The following PYGB variants were observed in gnomAD, a reference collection of about 807,000 sequenced individuals.
PYGB encodes the protein glycogen phosphorylase B.
In PYGB, 82 loss-of-function variants were observed where a neutral mutation model predicts 94.3. The ratio of observed to expected loss-of-function variants is 0.87; its 90% CI spans 0.73 to 1.04. The LOEUF (loss-of-function observed/expected upper bound fraction) is 1.04. Among genes scored for constraint, PYGB ranks in the 50% least tolerant of loss-of-function variants. PYGB has a pLI of 0.00. For missense variants in PYGB, 1,132 were observed against 1,158.2 expected (o/e 0.98, Z 0.33); for synonymous variants, 488 against 479.1 (o/e 1.02, Z -0.24).
chr20:25,296,291 C>T (rs2145906566), intron 19 of PYGB, 79 bp from the exon 20 acceptor site: 1 of 1,553,874 alleles, frequency 6.4e-7, no homozygotes. Context: ...GGAAACAGTC[C>T]TAAAGTTCTG....
chr20:25,292,497 C>T lies in PYGB; in HGVS notation c.2061C>T (p.Ala687=), dbSNP rs200200723. 7.1e-5 allele frequency: 115 copies of T among 1,613,534 alleles called. No individual in the cohort carries two copies. In the South Asian group the frequency reaches 1.2e-3, roughly 17 times the overall value. The change falls in exon 17 of 20, where the codon GCC becomes GCT. Residue 687 remains alanine, a synonymous_variant. Transcript: ENST00000216962. ...TGNMKFMLNG[A]LTIGTMDGAN... ...ACATGAAGTTCATGCTCAACGGGGC[C>T]CTCACCATCGGCACCATGGACGGCG...
Position 25,282,165 on chromosome 20 carries a change from C to G in PYGB, c.1518+18C>G. 2 of 1,585,858 alleles carry G rather than the reference C, an allele frequency of 1.3e-6. No homozygotes were observed. The highest frequency in any genetic ancestry group is 1.7e-6 in the Non-Finnish European group (2 of 1,159,686). On this transcript the variant is annotated intron_variant, in intron 12 of 19. Coordinates refer to ENST00000216962, the MANE Select transcript of PYGB (RefSeq NM_002862.4). The stretch of plus-strand genomic sequence containing the variant: ...TCGTGGAGGTGAGTCCCGGGCCCCA[C>G]CCGTGCCTGTGGAGATGCCTGGGCT...
chr20:25,252,964 C>G (rs990279221), intron 1 of PYGB, among the ~76,000 whole-genome samples: 17 of 152,222 alleles, frequency 1.1e-4, no homozygotes, highest in African/African-American at 4.1e-4. Context: ...TGCCAAAAGT[C>G]ACCTTTTGGT....
At chr20:25,253,545 G>A (rs967484159) in intron 1 of PYGB, among the ~76,000 whole-genome samples, 1 of 151,922 alleles carries the variant, frequency 6.6e-6, no homozygotes, top group African/African-American at 2.4e-5. Flanking sequence ...CCAGCTATTC[G>A]GGAGGCTGAG....
At chr20:25,281,532 C>T (rs2088367079) in intron 11 of PYGB, among the ~76,000 whole-genome samples, 1 of 152,272 alleles carries the variant, frequency 6.6e-6, no homozygotes, top group African/African-American at 2.4e-5. Flanking sequence ...ATTACTCCCA[C>T]TCTTTCACGT....
chr20:25,260,230 T>G (rs898682158), intron 2 of PYGB, among the ~76,000 whole-genome samples: 3 of 152,246 alleles, frequency 2.0e-5, no homozygotes, highest in African/African-American at 7.2e-5. Flanking sequence ...CATTTACGTC[T>G]GTTTACTGAG....
chr20:25,262,665 T>TAAAAGACACAGAC (rs879331202), intron 2 of PYGB, among the ~76,000 whole-genome samples: 32 of 147,790 alleles, frequency 2.2e-4, no homozygotes, highest in Middle Eastern at 3.4e-3. Flanking sequence ...ATGCTCCATT[T>TAAAAGACACAGAC]TGACTTGACT....
chr20:25,274,854 C>T, intron 5 of PYGB, 131 bp downstream of exon 5: 1 of 1,376,188 alleles, frequency 7.3e-7, no homozygotes, highest in Non-Finnish European at 9.8e-7. Context: ...AAGGTAAAAG[C>T]CGGGGGAGGT....
intron 18 of PYGB, chr20:25,294,633 GC>G: frequency 1.8e-6 from 1 of 551,756 alleles, no homozygotes; most frequent in Non-Finnish European, 3.3e-6. Context: ...GGGAGCATGG[GC>G]CCAAAACTCC....
At chr20:25,278,829 G>A (rs1386274381) in intron 8 of PYGB, among the ~76,000 whole-genome samples, 1 of 152,190 alleles carries the variant, frequency 6.6e-6, no homozygotes. Flanking sequence ...AGAGCACACA[G>A]CTGTAGGGCA....
intron 1 of PYGB, 89 bp downstream of exon 1, chr20:25,248,510 C>G: frequency 1.6e-6 from 2 of 1,256,522 alleles, no homozygotes; most frequent in Non-Finnish European, 2.0e-6. Context: ...GCGGGGCGGC[C>G]CGTCGGGCGT....
At chr20:25,251,118 G>A (rs2092886746) in intron 1 of PYGB, 1 of 152,224 alleles carries the variant, frequency 6.6e-6, no homozygotes, top group Admixed American at 6.5e-5. Context: ...AAATCAGCAC[G>A]TCAAAACATC....
chr20:25,290,078 C>T, intron 15 of PYGB: 1 of 414,682 alleles, frequency 2.4e-6, no homozygotes. Flanking sequence ...CTGTCTGTTA[C>T]AGACATCGGG....
intron 2 of PYGB, among the ~76,000 whole-genome samples, chr20:25,267,538 T>C (rs1459126104): frequency 2.0e-5 from 1 of 49,888 alleles, no homozygotes; most frequent in Non-Finnish European, 4.7e-5. Context: ...TGTGTCATTG[T>C]TGTTGTTGTT....
In PYGB at chr20:25,288,440, C is replaced by T. The variant is rs756734842; in HGVS notation, c.1784C>T (p.Pro595Leu). The T allele has an allele frequency of 1.7e-5, 28 of 1,614,010 alleles. No homozygotes were observed. The highest frequency in any genetic ancestry group is 1.2e-4 in the South Asian group (11 of 91,068). The change falls in exon 15 of 20, where the codon CCG (proline) becomes CTG (leucine). Residue 595 changes from proline to leucine, a missense_variant. Coordinates refer to ENST00000216962, the MANE Select transcript of PYGB (RefSeq NM_002862.4). ...TGTCCTGCAGGAATCAAGAGAGACCCGGCCAAGGCTTTTGTGCCCAGGACT... is the reference window on the plus strand; with the variant it reads ...TGTCCTGCAGGAATCAAGAGAGACCTGGCCAAGGCTTTTGTGCCCAGGACT... ...VTLYNRIKRD[P>L]AKAFVPRTVM...
chr20:25,281,268 C>G (rs762475480), intron 11 of PYGB, among the ~76,000 whole-genome samples, 156 bp downstream of exon 11: 1 of 152,212 alleles, frequency 6.6e-6, no homozygotes, highest in Non-Finnish European at 1.5e-5. Context: ...CCCAGAACAC[C>G]CTGTCAGGGT....
At chr20:25,251,518 C>CT (rs1451262172) in intron 1 of PYGB, among the ~76,000 whole-genome samples, 6 of 152,306 alleles carry the variant, frequency 3.9e-5, no homozygotes, top group Admixed American at 3.9e-4. Context: ...GATGCTTATG[C>CT]TAGATACAGC....
chr20:25,278,535 A>G (rs916538478), intron 8 of PYGB, 73 bp downstream of exon 8: 18 of 1,570,324 alleles, frequency 1.1e-5, no homozygotes, highest in Non-Finnish European at 1.4e-5. Context: ...TTGCTTTCTC[A>G]TGTCCCAAAA....
intron 4 of PYGB, 136 bp from the exon 5 acceptor site, chr20:25,274,456 A>T: frequency 7.9e-7 from 1 of 1,261,340 alleles, no homozygotes; most frequent in Non-Finnish European, 1.1e-6. Flanking sequence ...GGGAATCCCG[A>T]CCTGGTAAGT....
Sources: allele counts gnomAD v4.1 joint callset (sites outside exome capture counted in the v4.1 genomes callset), GRCh38; gene constraint gnomAD v4.1.1; transcripts MANE v1.5; gene names NCBI Gene and HGNC (gene_info 2026-07-23, HGNC 2026-07-21).